The following STARD9 variants were observed in gnomAD, a reference collection of about 807,000 sequenced individuals.
STARD9 encodes the protein stAR-related lipid transfer protein 9.
Under a neutral mutation model 399.8 loss-of-function variants are expected in STARD9, and 346 were observed. The observed-to-expected ratio is 0.87, with a 90% CI of 0.79 to 0.95. The LOEUF is 0.95. STARD9 is among the 40% of genes least tolerant of loss of function. The pLI is 0.00. For synonymous variants in STARD9, 2,203 were observed against 2,143.5 expected (o/e 1.03, Z -0.77); for missense variants, 5,832 against 5,667.5 (o/e 1.03, Z -0.93).
chr15:42,603,219 G>A (rs765858103), intron 3 of STARD9, among the ~76,000 whole-genome samples: 2 of 151,862 alleles, frequency 1.3e-5, no homozygotes, highest in Non-Finnish European at 2.9e-5. Flanking sequence ...TGTTGCCTAG[G>A]CTGGAGTGCA....
At position 42,688,545 on chromosome 15, in the gene STARD9, T is replaced by C. The variant is rs1354846374; in HGVS notation, c.6967T>C (p.Cys2323Arg). 2.0e-6 allele frequency: 3 copies of C among 1,537,768 alleles called. No homozygotes were observed. The African/African-American group carries it at 4.1e-5, about 21-fold the overall frequency. Residue 2323 changes from cysteine (C) to arginine (R), a missense_variant, in exon 23 of 33, where the codon TGT becomes CGT. Physicochemically the swap from Cys to Arg is radical, Grantham distance 180 (BLOSUM62 -3). Around this residue, in one of 2 missense-constraint regions of STARD9, gnomAD observed 5,828 missense variants for 5,651.1 expected, o/e 1.03. Coordinates refer to ENST00000290607, the MANE Select transcript of STARD9 (RefSeq NM_020759.3). ...CCCATTACTAAGCCGGACAGAATTC[T>C]GTACAGCTCCTCTTCACCAAGACCT... The part of the protein sequence containing the change: ...VSPLLSRTEF[C>R]TAPLHQDLSN...
chr15:42,663,752 C>T, intron 12 of STARD9, 68 bp from the exon 13 acceptor site: 1 of 1,197,412 alleles, frequency 8.4e-7, no homozygotes, highest in East Asian at 2.5e-5. Context: ...GCAGTAGTAA[C>T]AAGGCAAGTG....
chr15:42,584,107 G>C (rs1210787184), intron 2 of STARD9, among the ~76,000 whole-genome samples: 1 of 151,946 alleles, frequency 6.6e-6, no homozygotes, highest in African/African-American at 2.4e-5. Context: ...GGAGTGGAGA[G>C]AGACTGGGGA....
intron 3 of STARD9, among the ~76,000 whole-genome samples, chr15:42,615,669 G>C (rs1032126025): frequency 4.6e-5 from 7 of 151,032 alleles, no homozygotes; most frequent in African/African-American, 1.7e-4. Context: ...ATCTGGGAGT[G>C]AGAATTAACA....
Position 42,694,597 on chromosome 15 carries a change from A to C in STARD9, c.12834A>C (p.Arg4278=). ...AERLGNFCRT[R]SLSPQKQLSL... ...GACTTGGGAACTTCTGCCGGACGCG[A>C]AGCCTTAGCCCTCAGAAACAACTGA... is the stretch of plus-strand genomic sequence containing the variant. The change falls in exon 24 of 33, where the codon CGA becomes CGC. Residue 4278 remains arginine (R), a synonymous_variant. Coordinates refer to ENST00000290607, the MANE Select transcript of STARD9 (RefSeq NM_020759.3). 1 of 1,537,184 alleles carries C rather than the reference A, an allele frequency of 6.5e-7. No individual in the cohort carries two copies. The highest frequency in any genetic ancestry group is 8.7e-7 in the Non-Finnish European group (1 of 1,146,898).
Position 42,601,389 on chromosome 15 carries a change from C to T in STARD9, c.234+15752C>T, listed in dbSNP as rs1179071233. On this transcript the variant is annotated intron_variant, in intron 3 of 32. Transcript: ENST00000290607. ...TCAGTGAGCTATTGGGTACACCTCCCGACGGGGTGGCGGCCGGGCAGAGGG... is the reference window on the plus strand; with the variant it reads ...TCAGTGAGCTATTGGGTACACCTCCTGACGGGGTGGCGGCCGGGCAGAGGG... 6.6e-5 allele frequency among the ~76,000 whole-genome samples: 10 copies of T among 152,034 alleles called. No homozygotes were observed. The East Asian group carries it at 9.6e-4, about 15-fold the overall frequency.
At chr15:42,651,743 C>G (rs1206243870) in intron 8 of STARD9, among the ~76,000 whole-genome samples, 2 of 152,120 alleles carry the variant, frequency 1.3e-5, no homozygotes. Flanking sequence ...TAACATTCTC[C>G]TGAGCTTCAT....
chr15:42,657,700 A>C (rs1170382996), intron 9 of STARD9, among the ~76,000 whole-genome samples: 1 of 152,250 alleles, frequency 6.6e-6, no homozygotes, highest in Non-Finnish European at 1.5e-5. Context: ...TTTCAAGTGC[A>C]CACGGAGCAT....
rs1460130921 is a variant in STARD9 at position 42,720,325 on chromosome 15, A to C, written c.*751A>C. ...GATTTGGGGTCAGGGTTGGAGGCTGAGTTCTTTTGAGGACTGGTTGGAGTG... is the reference window on the plus strand; with the variant it reads ...GATTTGGGGTCAGGGTTGGAGGCTGCGTTCTTTTGAGGACTGGTTGGAGTG... On this transcript the variant is annotated 3_prime_UTR_variant, in exon 33 of 33. Coordinates refer to ENST00000290607, the MANE Select transcript of STARD9 (RefSeq NM_020759.3). The C allele has an allele frequency of 6.6e-6, 1 of 152,392 alleles. No individual in the cohort carries two copies. Among genetic ancestry groups the C allele is most frequent in the African/African-American group, 2.4e-5 (1 of 41,422 alleles). The allele number at this position is 152,392 out of a possible 1,614,324, so 9.4% of individuals were successfully genotyped here. A position where few individuals can be genotyped will look rare whatever the true frequency, so the allele number is the denominator to read the frequency against.
intron 14 of STARD9, 94 bp downstream of exon 14, chr15:42,665,424 A>T: frequency 1.0e-6 from 1 of 970,484 alleles, no homozygotes; most frequent in Non-Finnish European, 1.6e-6. Context: ...GCTGCATTCT[A>T]TGTTCTCAAT....
rs768515198 is a variant in STARD9 at position 42,690,006 on chromosome 15, G to A, written c.8428G>A (p.Ala2810Thr). The part of the protein sequence containing the change: ...LLVTAQGEKT[A>T]HFESQSVTCD... The stretch of plus-strand genomic sequence containing the variant: ...AGTGACTGCACAGGGAGAAAAAACA[G>A]CCCATTTTGAAAGTCAGTCTGTGAC... The change falls in exon 23 of 33, where the codon GCC (alanine) becomes ACC (threonine). Residue 2810 changes from alanine (A) to threonine (T), a missense_variant. By Grantham distance (58) the Ala-to-Thr change is moderately conservative. This residue lies in a region of STARD9 where 5,828 missense variants were observed against 5,651.1 expected (regional missense o/e 1.03). Transcript: ENST00000290607. 1.0e-5 allele frequency: 16 copies of A among 1,537,204 alleles called. No individual in the cohort carries two copies. The African/African-American group carries it at 1.9e-4, about 18-fold the overall frequency.
chr15:42,666,754 G>T (rs552586516), intron 15 of STARD9, among the ~76,000 whole-genome samples: 103 of 152,276 alleles, frequency 6.8e-4, no homozygotes, highest in African/African-American at 2.4e-3. Context: ...CCCCGTGAGG[G>T]CAAGGACAAG....
intron 3 of STARD9, among the ~76,000 whole-genome samples, chr15:42,599,259 T>C (rs1297978572): frequency 6.6e-6 from 1 of 152,222 alleles, no homozygotes. Flanking sequence ...TTTTGTTTCC[T>C]CAACTGTATT....
intron 1 of STARD9, among the ~76,000 whole-genome samples, chr15:42,577,106 C>CT (rs966898584): frequency 5.9e-5 from 9 of 152,050 alleles, no homozygotes; most frequent in African/African-American, 2.2e-4. Context: ...TTGACCACTC[C>CT]TAACATTCAG....
At chr15:42,585,736 C>A in intron 3 of STARD9, 99 bp downstream of exon 3, 1 of 687,954 alleles carries the variant, frequency 1.5e-6, no homozygotes, top group Admixed American at 2.8e-5. Context: ...TAGTATAGCA[C>A]AGTTGTACAG....
At position 42,689,376 on chromosome 15, in the gene STARD9, G is replaced by C. The variant is rs757588202; in HGVS notation, c.7798G>C (p.Asp2600His). 10 of 1,537,176 alleles carry C rather than the reference G, an allele frequency of 6.5e-6. No homozygotes were observed. Among genetic ancestry groups the C allele is most frequent in the Non-Finnish European group, 7.8e-6 (9 of 1,146,924 alleles). ...TGGCAGGCCTCAGTGTAAACAAATA[G>C]ACCAGTCATCATCAGACCAGACCAG... is the stretch of plus-strand genomic sequence containing the variant. ...VAGRPQCKQI[D>H]QSSSDQTRNE... Residue 2600 changes from aspartate to histidine, a missense_variant, in exon 23 of 33, where the codon GAC becomes CAC. Coordinates refer to ENST00000290607, the MANE Select transcript of STARD9 (RefSeq NM_020759.3).
At chr15:42,588,774 G>C (rs374276228) in intron 3 of STARD9, among the ~76,000 whole-genome samples, 1 of 86,904 alleles carries the variant, frequency 1.2e-5, no homozygotes, top group Admixed American at 1.6e-4. Flanking sequence ...CCTCTTCACA[G>C]CGTTTTTTTT....
At position 42,694,008 on chromosome 15, in the gene STARD9, A is replaced by T; in HGVS notation, c.12430A>T (p.Asn4144Tyr). Reference protein sequence around the residue: ...RDLPVHNKFSNWCGVQKGSPG... With the variant: ...RDLPVHNKFSYWCGVQKGSPG... ...CCTCCCGGTGCATAACAAATTTAGT[A>T]ACTGGTGTGGGGTTCAGAAGGGCTC... Residue 4144 changes from asparagine (N) to tyrosine (Y), a missense_variant, in exon 23 of 33, where the codon AAC (asparagine) becomes TAC (tyrosine). Asn to Tyr is a moderately radical substitution (Grantham distance 143, BLOSUM62 -2). Transcript: ENST00000290607. The T allele has an allele frequency of 6.6e-7, 1 of 1,520,472 alleles. No homozygotes were observed. Among genetic ancestry groups the T allele is most frequent in the Non-Finnish European group, 8.8e-7 (1 of 1,137,936 alleles). 94.2% of individuals were successfully genotyped at this position (1,520,472 alleles called of 1,614,324 possible). A position where few individuals can be genotyped will look rare whatever the true frequency, so the allele number is the denominator to read the frequency against.
At chr15:42,710,057 C>CTTT (rs1218850356) in intron 26 of STARD9, among the ~76,000 whole-genome samples, 5 of 119,918 alleles carry the variant, frequency 4.2e-5, no homozygotes, top group Non-Finnish European at 5.3e-5. Flanking sequence ...CATGCCCTGT[C>CTTT]TTTTTTTTTT....
Sources: allele counts gnomAD v4.1 joint callset (sites outside exome capture counted in the v4.1 genomes callset), GRCh38; gene constraint gnomAD v4.1.1; regional missense constraint gnomAD v4.1.1; transcripts MANE v1.5; gene names NCBI Gene and HGNC (gene_info 2026-07-23, HGNC 2026-07-21).